RBM6: variants seen among roughly 807,000 people sequenced by gnomAD.
RBM6 encodes RNA binding motif protein 6.
RBM6 carries 23 observed loss-of-function variants against 140.4 expected under a neutral mutation model. The observed-to-expected ratio is 0.16, with a 90% CI of 0.12 to 0.23. RBM6 has a LOEUF of 0.23. RBM6 is among the 10% of genes least tolerant of loss of function. The pLI is 1.00. For synonymous variants in RBM6, 439 were observed against 475.6 expected, an observed-to-expected ratio of 0.92 and a Z score of 1.00; for missense variants, 1,139 against 1,386.7, an observed-to-expected ratio of 0.82 and a Z score of 2.84.
At chr3:49,982,229 A>G (rs1575605129) in intron 5 of RBM6, among the ~76,000 whole-genome samples, 1 of 149,946 alleles carries the variant, frequency 6.7e-6, no homozygotes, top group Non-Finnish European at 1.5e-5. Context: ...CGTTGTAGCA[A>G]AGGCCCTGTA....
chr3:49,947,416 T>TG (rs937629075), intron 1 of RBM6, among the ~76,000 whole-genome samples: 2 of 151,956 alleles, frequency 1.3e-5, no homozygotes, highest in Non-Finnish European at 2.9e-5. Context: ...GGTGACAGAG[T>TG]GGCCCAGTCT....
chr3:49,962,503 C>G, intron 1 of RBM6, 73 bp from the exon 2 acceptor site: 1 of 713,430 alleles, frequency 1.4e-6, no homozygotes, highest in Non-Finnish European at 2.4e-6. Flanking sequence ...CCTCATAAAC[C>G]AAGCAGTGGG....
At chr3:49,987,831 G>GT (rs1271337711) in intron 5 of RBM6, among the ~76,000 whole-genome samples, 1 of 152,078 alleles carries the variant, frequency 6.6e-6, no homozygotes, top group Non-Finnish European at 1.5e-5. Flanking sequence ...TAGAGATGGG[G>GT]TTTTGCCGTG....
intron 4 of RBM6, among the ~76,000 whole-genome samples, chr3:49,973,511 G>A (rs1164542376): frequency 6.6e-6 from 1 of 151,888 alleles, no homozygotes; most frequent in African/African-American, 2.4e-5. Flanking sequence ...CACAGCAAGT[G>A]AGCAGAGAGC....
intron 5 of RBM6, among the ~76,000 whole-genome samples, chr3:49,989,658 T>G (rs2085727615): frequency 6.6e-6 from 1 of 152,184 alleles, no homozygotes; most frequent in African/African-American, 2.4e-5. Flanking sequence ...TGAGTTAATG[T>G]GCATATGCCA....
At chr3:49,981,842 T>C (rs1184009742) in intron 5 of RBM6, among the ~76,000 whole-genome samples, 1 of 152,216 alleles carries the variant, frequency 6.6e-6, no homozygotes, top group African/African-American at 2.4e-5. Context: ...ATTTTTAGGT[T>C]TGTTTGCATA....
intron 6 of RBM6, among the ~76,000 whole-genome samples, chr3:50,039,528 G>A (rs997240831): frequency 6.9e-6 from 1 of 144,226 alleles, no homozygotes; most frequent in Non-Finnish European, 1.5e-5. Flanking sequence ...TGGGATTACA[G>A]GCATGGGCCA....
rs1464304616 is a variant in RBM6 at position 50,048,287 on chromosome 3, G to T, written c.1600G>T (p.Val534Leu). Residue 534 changes from valine to leucine, a missense_variant, in exon 7 of 21, where the codon GTA (valine) becomes TTA (leucine). By Grantham distance (32) the Val-to-Leu change is conservative (BLOSUM62 1). Around this residue, in one of 9 missense-constraint regions of RBM6, gnomAD observed 58 missense variants for 99.7 expected, o/e 0.58. Coordinates refer to ENST00000266022, the MANE Select transcript of RBM6 (RefSeq NM_005777.3). ...GGACAAAGAAGTTACCCTGGAGTAT[G>T]TATCAAGCCTGGATTTTTGGTACTG... ...IQDKEVTLEY[V>L]SSLDFWYCKR... 6.2e-7 allele frequency: 1 copy of T among 1,613,180 alleles called. No individual in the cohort carries two copies. The highest frequency in any genetic ancestry group is 1.3e-5 in the African/African-American group (1 of 74,926).
chr3:49,973,304 G>C (rs1026439319), intron 4 of RBM6, among the ~76,000 whole-genome samples: 1 of 151,848 alleles, frequency 6.6e-6, no homozygotes, highest in Non-Finnish European at 1.5e-5. Context: ...TTTTTGTATT[G>C]TGTAGTTAGG....
chr3:50,059,475 G>GT, intron 10 of RBM6, 174 bp from the exon 11 acceptor site: 1 of 510,566 alleles, frequency 2.0e-6, no homozygotes, highest in Admixed American at 3.7e-5. Flanking sequence ...TTCATTAAAA[G>GT]TTGCCTGTTT....
intron 6 of RBM6, among the ~76,000 whole-genome samples, chr3:50,012,366 CT>C (rs761024656): frequency 1.4e-5 from 2 of 148,142 alleles, no homozygotes; most frequent in Admixed American, 6.7e-5. Flanking sequence ...TTTTTTTTTT[CT>C]TTTTTTTTGA....
chr3:50,065,026 A>T lies in RBM6; in HGVS notation c.2587-5A>T. The T allele has an allele frequency of 6.2e-7, 1 of 1,609,096 alleles. No individual in the cohort carries two copies. The highest frequency in any genetic ancestry group is 1.1e-5 in the South Asian group (1 of 90,942). Reference sequence around the variant, plus strand: ...TCATGTGAGAGTTACCTCTGGTTTGATCAGTTTCAGGAAAATGCCAGTGAA... The same window carrying T: ...TCATGTGAGAGTTACCTCTGGTTTGTTCAGTTTCAGGAAAATGCCAGTGAA... On this transcript the variant is annotated splice_region_variant and splice_polypyrimidine_tract_variant and intron_variant, in intron 15 of 20. Coordinates refer to ENST00000266022, the MANE Select transcript of RBM6 (RefSeq NM_005777.3).
intron 6 of RBM6, among the ~76,000 whole-genome samples, chr3:50,038,161 G>T (rs915722549): frequency 1.3e-5 from 2 of 152,038 alleles, no homozygotes; most frequent in Non-Finnish European, 2.9e-5. Flanking sequence ...AAGAATAGCT[G>T]CTGGTTCTTT....
chr3:50,058,104 G>A lies in RBM6; in HGVS notation c.1969+101G>A, dbSNP rs71326914. On this transcript the variant is annotated intron_variant, in intron 9 of 20. Coordinates refer to ENST00000266022, the MANE Select transcript of RBM6 (RefSeq NM_005777.3). ...AGCTATCTGCTTTCCAGTACCCTGAGAGATCTGTGCATGACCTGATGACAG... is the reference window on the plus strand; with the variant it reads ...AGCTATCTGCTTTCCAGTACCCTGAAAGATCTGTGCATGACCTGATGACAG... 1.1e-4 allele frequency: 153 copies of A among 1,404,100 alleles called. 2 individuals carry two copies. The highest frequency in any genetic ancestry group is 1.4e-4 in the Non-Finnish European group (144 of 1,039,844). 87.0% of individuals were successfully genotyped at this position (1,404,100 alleles called of 1,614,324 possible).
chr3:50,032,651 C>T (rs935563862), intron 6 of RBM6, among the ~76,000 whole-genome samples: 1 of 151,890 alleles, frequency 6.6e-6, no homozygotes, highest in Non-Finnish European at 1.5e-5. Flanking sequence ...TTAAAAAATA[C>T]TAAATATATA....
At position 49,959,421 on chromosome 3, in the gene RBM6, A is replaced by G. The variant is rs1401796784; in HGVS notation, c.-66-3155A>G. 1.3e-4 allele frequency among the ~76,000 whole-genome samples: 17 copies of G among 135,838 alleles called. No individual in the cohort carries two copies. In the East Asian group the frequency reaches 2.6e-3, roughly 20 times the overall value. The allele number at this position is 135,838 out of a possible 152,430, so 89.1% of individuals were successfully genotyped here. On this transcript the variant is annotated intron_variant, in intron 1 of 20. Coordinates refer to ENST00000266022, the MANE Select transcript of RBM6 (RefSeq NM_005777.3). ...TCACTGTGTTAGCCAGGATGGTCTC[A>G]ATCTCCTGACCTTGTGATCCGCCCG...
chr3:50,051,310 A>C (rs916410057), intron 7 of RBM6, among the ~76,000 whole-genome samples: 1 of 152,192 alleles, frequency 6.6e-6, no homozygotes, highest in African/African-American at 2.4e-5. Flanking sequence ...ACTGTACTTC[A>C]GTACTCCATC....
intron 6 of RBM6, among the ~76,000 whole-genome samples, chr3:50,005,377 T>G (rs542534970): frequency 3.9e-4 from 59 of 152,086 alleles, no homozygotes; most frequent in African/African-American, 1.3e-3. Flanking sequence ...ACATGCCTAT[T>G]GTCCCAGCTA....
chr3:49,968,889 C>G, intron 3 of RBM6, 141 bp downstream of exon 3: 1 of 1,116,876 alleles, frequency 9.0e-7, no homozygotes, highest in Non-Finnish European at 1.2e-6. Flanking sequence ...ATGCCATTCT[C>G]CTGCCTCAGC....
Sources: gnomAD v4.1 joint callset for allele counts (sites outside exome capture counted in the v4.1 genomes callset) on GRCh38, gnomAD v4.1.1 for gene constraint, gnomAD v4.1.1 regional missense constraint, MANE v1.5 for transcripts, NCBI Gene and HGNC (gene_info 2026-07-23, HGNC 2026-07-21) for gene names.